Variants in SBF2 observed in about 807,000 individuals in gnomAD.
SBF2 encodes the protein SET binding factor 2.
Under a neutral mutation model 225.2 loss-of-function variants are expected in SBF2, and 112 were observed. That is an observed-to-expected ratio of 0.50 (90% confidence interval 0.43 to 0.58). SBF2 has a LOEUF of 0.58. Among genes scored for constraint, SBF2 ranks in the 20% least tolerant of loss-of-function variants. The pLI is 0.00. For missense variants in SBF2, 1,996 were observed against 2,206.2 expected (o/e 0.90, Z 1.91); for synonymous variants, 763 against 773.3 (o/e 0.99, Z 0.22).
intron 17 of SBF2, among the ~76,000 whole-genome samples, chr11:9,863,337 A>G (rs1266487432): frequency 6.6e-6 from 1 of 152,232 alleles, no homozygotes; most frequent in East Asian, 1.9e-4. Flanking sequence ...TAGTTCCCCA[A>G]GCTCAAGGCT....
At chr11:10,047,712 AT>A (rs1180872463) in intron 2 of SBF2, among the ~76,000 whole-genome samples, 2 of 152,138 alleles carry the variant, frequency 1.3e-5, no homozygotes, top group African/African-American at 2.4e-5. Flanking sequence ...GATCGACATG[AT>A]TTCCTACATT....
At chr11:10,127,478 T>C (rs1247651676) in intron 2 of SBF2, among the ~76,000 whole-genome samples, 2 of 152,080 alleles carry the variant, frequency 1.3e-5, no homozygotes, top group African/African-American at 4.8e-5. Context: ...CATCCCTCCA[T>C]TGCCTCCACA....
intron 2 of SBF2, among the ~76,000 whole-genome samples, chr11:10,095,374 C>T (rs1590943839): frequency 6.6e-6 from 1 of 152,180 alleles, no homozygotes; most frequent in Non-Finnish European, 1.5e-5. Context: ...GAGGGCTAAA[C>T]ATGTGCAGAG....
chr11:9,827,407 T>C (rs947475588), intron 28 of SBF2, among the ~76,000 whole-genome samples: 3 of 152,136 alleles, frequency 2.0e-5, no homozygotes, highest in African/African-American at 2.4e-5. Context: ...CACACACCTG[T>C]AGTCTTAGCT....
Position 9,832,422 on chromosome 11 carries a change from T to C in SBF2, c.3456-2A>G. On this transcript the variant is annotated splice_acceptor_variant, in intron 26 of 39. Coordinates refer to ENST00000256190, the MANE Select transcript of SBF2 (RefSeq NM_030962.4). LOFTEE classifies it high-confidence loss of function. ...GGTACGACTAAAAGGCCAGGATAGC[T>C]TCAGAGACATAGAATAGAGAAGAGA... 6.2e-7 allele frequency: 1 copy of C among 1,608,988 alleles called. No homozygotes were observed. The highest frequency in any genetic ancestry group is 2.2e-5 in the East Asian group (1 of 44,816).
chr11:9,958,808 GA>G, intron 16 of SBF2: 3 of 542,594 alleles, frequency 5.5e-6, no homozygotes, highest in Admixed American at 2.3e-5. Context: ...TTCTGTCACC[GA>G]AAATGGGTCA....
intron 2 of SBF2, among the ~76,000 whole-genome samples, chr11:10,155,499 G>A (rs1245325424): frequency 6.6e-6 from 1 of 151,796 alleles, no homozygotes; most frequent in Non-Finnish European, 1.5e-5. Flanking sequence ...GGAACTTTGG[G>A]GTAATGCCAA....
intron 2 of SBF2, among the ~76,000 whole-genome samples, chr11:10,122,346 G>T (rs1953505047): frequency 6.6e-6 from 1 of 152,150 alleles, no homozygotes; most frequent in South Asian, 2.1e-4. Flanking sequence ...AATCAAGTGG[G>T]TACTGTCCAC....
chr11:9,908,778 G>T (rs1192902745), intron 16 of SBF2, among the ~76,000 whole-genome samples: 1 of 151,956 alleles, frequency 6.6e-6, no homozygotes, highest in Non-Finnish European at 1.5e-5. Context: ...GCTCACTGTA[G>T]CCTTGACCTC....
chr11:10,175,777 G>A (rs944995816), intron 2 of SBF2, among the ~76,000 whole-genome samples: 1 of 151,796 alleles, frequency 6.6e-6, no homozygotes, highest in African/African-American at 2.4e-5. Context: ...GCACTCCTCA[G>A]CAAATGTAAA....
chr11:9,898,883 C>A (rs1200196368), intron 16 of SBF2, among the ~76,000 whole-genome samples: 1 of 151,302 alleles, frequency 6.6e-6, no homozygotes, highest in East Asian at 1.9e-4. Flanking sequence ...ATAAGGAGAA[C>A]AATGAGAAAA....
chr11:10,135,178 C>T (rs2135114891), intron 2 of SBF2, among the ~76,000 whole-genome samples: 1 of 152,346 alleles, frequency 6.6e-6, no homozygotes, highest in Non-Finnish European at 1.5e-5. Context: ...CACACTGTAC[C>T]TTGGCCCCTT....
chr11:9,944,185 C>T (rs1164940317), intron 16 of SBF2, among the ~76,000 whole-genome samples: 1 of 152,124 alleles, frequency 6.6e-6, no homozygotes, highest in African/African-American at 2.4e-5. Flanking sequence ...AGAGTACATC[C>T]TTATTGGGTA....
rs1003607517 is a variant in SBF2, at chr11:10,259,736, C to T, written c.55+34279G>A. On this transcript the variant is annotated intron_variant, in intron 1 of 39. Coordinates refer to ENST00000256190, the MANE Select transcript of SBF2 (RefSeq NM_030962.4). ...AAAGCATCAACATTTTTAGAGATTCCGAAACATAACATATTTTAAAGGGCA... is the reference window on the plus strand; with the variant it reads ...AAAGCATCAACATTTTTAGAGATTCTGAAACATAACATATTTTAAAGGGCA... Among the ~76,000 whole-genome samples the T allele has an allele frequency of 3.4e-4, 51 of 151,810 alleles. 1 individual carries two copies. Among genetic ancestry groups the T allele is most frequent in the African/African-American group, 7.2e-5 (3 of 41,412 alleles).
chr11:10,094,528 A>ATTTTT (rs60485793), intron 2 of SBF2, among the ~76,000 whole-genome samples: 9 of 107,290 alleles, frequency 8.4e-5, no homozygotes, highest in African/African-American at 2.3e-4. Context: ...ATACACACAG[A>ATTTTT]TTTTTTTTTT....
At chr11:9,816,775 T>TA in intron 29 of SBF2, 65 bp downstream of exon 29, 1 of 1,522,494 alleles carries the variant, frequency 6.6e-7, no homozygotes. Context: ...TGGTTTGTGA[T>TA]ACAGGTTTTA....
chr11:9,931,359 G>A (rs561257057), intron 16 of SBF2, among the ~76,000 whole-genome samples: 2 of 152,312 alleles, frequency 1.3e-5, no homozygotes, highest in African/African-American at 4.8e-5. Flanking sequence ...AGTAGGGATC[G>A]ACAGACACCT....
In SBF2 at chr11:9,856,550, C is replaced by T; in HGVS notation, c.2271G>A (p.Leu757=). The stretch of plus-strand genomic sequence containing the variant: ...TTTTACTTGTGTCGAGTGGAACTAG[C>T]AGGTTCACCATGAGGTTTGCAAAGT... ...AIHFANLMVN[L]LVPLDTSKNK... is the part of the protein sequence containing the mutation. The change falls in exon 19 of 40, where the codon CTG becomes CTA. Residue 757 remains leucine, a synonymous_variant. Coordinates refer to ENST00000256190, the MANE Select transcript of SBF2 (RefSeq NM_030962.4). 1.2e-6 allele frequency: 2 copies of T among 1,614,090 alleles called. No individual in the cohort carries two copies. Among genetic ancestry groups the T allele is most frequent in the Non-Finnish European group, 1.7e-6 (2 of 1,180,016 alleles).
intron 13 of SBF2, among the ~76,000 whole-genome samples, chr11:9,976,495 CG>C (rs1415683627): frequency 6.6e-6 from 1 of 151,922 alleles, no homozygotes; most frequent in African/African-American, 2.4e-5. Context: ...TACTTGGGAG[CG>C]TGAGGTGGGA....
Sources: allele counts gnomAD v4.1 joint callset (sites outside exome capture counted in the v4.1 genomes callset), GRCh38; gene constraint gnomAD v4.1.1; transcripts MANE v1.5; gene names NCBI Gene and HGNC (gene_info 2026-07-23, HGNC 2026-07-21).